ERH: variants seen among roughly 807,000 people sequenced by gnomAD.
ERH encodes ERH mRNA splicing and mitosis factor.
ERH carries 1 observed loss-of-function variant against 16.8 expected under a neutral mutation model. The observed-to-expected ratio is 0.06, with a 90% CI of 0.02 to 0.28. The LOEUF (loss-of-function observed/expected upper bound fraction) is 0.28. ERH is among the 10% of genes least tolerant of loss of function. The pLI is 1.00. For synonymous variants in ERH, 43 were observed against 43.6 expected (o/e 0.99, Z 0.05); for missense variants, 42 against 127.5 (o/e 0.33, Z 3.23).
intron 2 of ERH, among the ~76,000 whole-genome samples, chr14:69,387,773 A>G (rs1257929750): frequency 8.6e-5 from 13 of 151,610 alleles, no homozygotes; most frequent in Non-Finnish European, 1.5e-4. Flanking sequence ...GGCCGGGCAC[A>G]GTGGCTCACG....
chr14:69,382,754 G>T (rs11847666), intron 3 of ERH, among the ~76,000 whole-genome samples: 46,271 of 148,178 alleles, frequency 0.31, 7,408 homozygotes, highest in Middle Eastern at 0.46. Context: ...CAGGAGAATC[G>T]CTTGAACCCT....
At position 69,380,520 on chromosome 14, in the gene ERH, C is replaced by T. The variant is rs778517194; in HGVS notation, c.*18G>A. The T allele has an allele frequency of 3.7e-6, 5 of 1,366,674 alleles. No homozygotes were observed. The highest frequency in any genetic ancestry group is 4.6e-5 in the East Asian group (2 of 43,698). The allele number at this position is 1,366,674 out of a possible 1,614,324, so 84.7% of individuals were successfully genotyped here. On this transcript the variant is annotated 3_prime_UTR_variant, in exon 4 of 4. Coordinates refer to ENST00000557016, the MANE Select transcript of ERH (RefSeq NM_004450.3). ...GTGTTCCAAGCCCACCCCAACCCCCCCAGTGCTTCCAACACAATTATTTCC... is the reference window on the plus strand; with the variant it reads ...GTGTTCCAAGCCCACCCCAACCCCCTCAGTGCTTCCAACACAATTATTTCC...
intron 2 of ERH, among the ~76,000 whole-genome samples, chr14:69,394,311 T>C (rs1010867363): frequency 1.3e-5 from 2 of 151,732 alleles, no homozygotes; most frequent in African/African-American, 4.8e-5. Flanking sequence ...ACCTAATACT[T>C]GTAGCAAGGA....
chr14:69,383,265 T>G (rs1293099084), intron 3 of ERH, among the ~76,000 whole-genome samples: 1 of 152,254 alleles, frequency 6.6e-6, no homozygotes, highest in Admixed American at 6.5e-5. Context: ...CAGTTTGCTC[T>G]GGGTTTAGTC....
Position 69,380,328 on chromosome 14 carries a change from T to TAAA in ERH, c.*207_*209dup. 5.6e-6 allele frequency: 2 copies of TAAA among 359,414 alleles called. No individual in the cohort carries two copies. Among genetic ancestry groups the TAAA allele is most frequent in the South Asian group, 9.2e-5 (1 of 10,918 alleles). 22.3% of individuals were successfully genotyped at this position (359,414 alleles called of 1,614,324 possible). ...CTAAATCATCATAAAAATGTTTAAG[T>TAAA]AAAAAAAAAAAAAGAAAGAGAAAGA... On this transcript the variant is annotated 3_prime_UTR_variant, in exon 4 of 4. Transcript: ENST00000557016.
At chr14:69,397,142 G>A (rs1038731648) in intron 1 of ERH, among the ~76,000 whole-genome samples, 2 of 152,186 alleles carry the variant, frequency 1.3e-5, no homozygotes, top group Non-Finnish European at 2.9e-5. Context: ...ACTGCCCAAA[G>A]ACAAGGATTA....
Position 69,380,203 on chromosome 14 carries a change from C to A in ERH, c.*335G>T, listed in dbSNP as rs763610059. On this transcript the variant is annotated 3_prime_UTR_variant, in exon 4 of 4. Coordinates refer to ENST00000557016, the MANE Select transcript of ERH (RefSeq NM_004450.3). ...ATGGCTAAACTGCATTTCCACCCCC[C>A]ACCCCATCTTGAAGAAGGGTTAGTA... The A allele has an allele frequency of 1.5e-5, 3 of 196,220 alleles. No homozygotes were observed. The highest frequency in any genetic ancestry group is 1.2e-4 in the East Asian group (1 of 8,472). The allele number at this position is 196,220 out of a possible 1,614,324, so 12.2% of individuals were successfully genotyped here. A position where few individuals can be genotyped will look rare whatever the true frequency, so the allele number is the denominator to read the frequency against.
At chr14:69,386,826 A>C in intron 3 of ERH, 137 bp downstream of exon 3, 1 of 679,348 alleles carries the variant, frequency 1.5e-6, no homozygotes, top group Non-Finnish European at 2.2e-6. Context: ...TGTAAGAGAA[A>C]TATTAATTAC....
chr14:69,397,418 C>T (rs1256729014), intron 1 of ERH, among the ~76,000 whole-genome samples: 1 of 149,870 alleles, frequency 6.7e-6, no homozygotes, highest in Non-Finnish European at 1.5e-5. Flanking sequence ...CTGAGGGACG[C>T]GCCACACGCA....
chr14:69,394,618 A>G (rs1443669286), intron 2 of ERH, among the ~76,000 whole-genome samples: 1 of 151,978 alleles, frequency 6.6e-6, no homozygotes. Context: ...AAATAAACAA[A>G]CAAATAAATA....
In ERH at chr14:69,386,977, G is replaced by A. The variant is rs939250891; in HGVS notation, c.198C>T (p.Asp66=). The stretch of plus-strand genomic sequence containing the variant: ...CTAATACTTACACCAGGCAGCTGAG[G>A]TCTGCCAGATCATCGATGAAATCAA... ...QLFDFIDDLA[D]LSCLVYRADT... Residue 66 remains aspartate (D), a synonymous_variant, in exon 3 of 4, where the codon GAC becomes GAT. Transcript: ENST00000557016. The A allele has an allele frequency of 6.2e-7, 1 of 1,613,232 alleles. No individual in the cohort carries two copies. Among genetic ancestry groups the A allele is most frequent in the Non-Finnish European group, 8.5e-7 (1 of 1,179,604 alleles).
At chr14:69,386,495 A>G (rs777885234) in intron 3 of ERH, among the ~76,000 whole-genome samples, 5 of 152,270 alleles carry the variant, frequency 3.3e-5, no homozygotes, top group South Asian at 2.1e-4. Context: ...TTATCAATAC[A>G]AACTATAACA....
At chr14:69,395,039 C>T (rs1882302584) in intron 1 of ERH, 127 bp from the exon 2 acceptor site, 1 of 673,668 alleles carries the variant, frequency 1.5e-6, no homozygotes, top group Non-Finnish European at 2.5e-6. Context: ...AGAGGCCAGG[C>T]ATGGCATCCC....
chr14:69,395,949 C>G (rs1194608122), intron 1 of ERH, among the ~76,000 whole-genome samples: 1 of 152,160 alleles, frequency 6.6e-6, no homozygotes, highest in Non-Finnish European at 1.5e-5. Context: ...CAGTCACTAA[C>G]AAATCAATCT....
At chr14:69,395,413 C>A (rs968571845) in intron 1 of ERH, among the ~76,000 whole-genome samples, 1 of 152,174 alleles carries the variant, frequency 6.6e-6, no homozygotes, top group Non-Finnish European at 1.5e-5. Context: ...GTCTCCCAGT[C>A]CTACCGTACT....
chr14:69,383,529 C>A (rs972129479), intron 3 of ERH, among the ~76,000 whole-genome samples: 1 of 152,160 alleles, frequency 6.6e-6, no homozygotes, highest in African/African-American at 2.4e-5. Flanking sequence ...ACAAAAAGGA[C>A]ATAACCAAAG....
chr14:69,398,120 G>C (rs1882412689), intron 1 of ERH, 111 bp downstream of exon 1: 12 of 1,235,356 alleles, frequency 9.7e-6, no homozygotes, highest in Non-Finnish European at 1.3e-5. Context: ...GAGTGGCGGG[G>C]AGCATCACGC....
Position 69,388,842 on chromosome 14 carries a change from A to C in ERH, c.92-1759T>G, listed in dbSNP as rs114367347. On this transcript the variant is annotated intron_variant, in intron 2 of 3. Coordinates refer to ENST00000557016, the MANE Select transcript of ERH (RefSeq NM_004450.3). Reference sequence around the variant, plus strand: ...TATTAGCTCCAAATTAACTTTATAAATTTCCTAATAAAAACACTATTCAAC... The same window carrying C: ...TATTAGCTCCAAATTAACTTTATAACTTTCCTAATAAAAACACTATTCAAC... 3.1e-3 allele frequency among the ~76,000 whole-genome samples: 476 copies of C among 152,314 alleles called. 4 individuals carry two copies. Among genetic ancestry groups the C allele is most frequent in the African/African-American group, 0.011 (462 of 41,552 alleles).
intron 2 of ERH, among the ~76,000 whole-genome samples, chr14:69,388,464 G>A (rs1030201143): frequency 2.6e-5 from 4 of 151,878 alleles, no homozygotes; most frequent in Non-Finnish European, 4.4e-5. Context: ...GGGTTCAAGC[G>A]ATTCTCCTGC....
Sources: allele counts gnomAD v4.1 joint callset (sites outside exome capture counted in the v4.1 genomes callset), GRCh38; gene constraint gnomAD v4.1.1; transcripts MANE v1.5; gene names NCBI Gene and HGNC (gene_info 2026-07-23, HGNC 2026-07-21).